Variants in SIKE1 observed in about 807,000 individuals in gnomAD.
The protein encoded by SIKE1 is suppressor of IKK epsilon.
SIKE1 carries 13 observed loss-of-function variants against 25.8 expected under a neutral mutation model. That is an observed-to-expected ratio of 0.50 (90% CI 0.33 to 0.80). SIKE1 has a LOEUF of 0.80. Ranked by LOEUF, SIKE1 falls within the 30% of genes least tolerant of loss-of-function variation. SIKE1 has a pLI of 0.02. For synonymous variants in SIKE1, 86 were observed against 95.5 expected (o/e 0.90, Z 0.58); for missense variants, 222 against 252.4 (o/e 0.88, Z 0.82).
chr1:114,775,096 A>G (rs988928553), intron 4 of SIKE1, among the ~76,000 whole-genome samples: 2 of 152,204 alleles, frequency 1.3e-5, no homozygotes, highest in Non-Finnish European at 2.9e-5. Context: ...TCGGGGATAA[A>G]TAGAAGGTCA....
intron 4 of SIKE1, among the ~76,000 whole-genome samples, chr1:114,775,503 CT>C (rs35490891): frequency 0.37 from 45,839 of 122,310 alleles, 7,702 homozygotes; most frequent in African/African-American, 0.62. Context: ...AAATGCTTTG[CT>C]TTTTTTTTTT....
intron 3 of SIKE1, among the ~76,000 whole-genome samples, chr1:114,778,088 T>C (rs1054125417): frequency 1.3e-5 from 2 of 152,216 alleles, no homozygotes; most frequent in Non-Finnish European, 1.5e-5. Context: ...ATTTAAAATA[T>C]CTGTTTCCTA....
chr1:114,772,733 T>G lies in SIKE1; in HGVS notation c.*1538A>C, dbSNP rs773724687. On this transcript the variant is annotated 3_prime_UTR_variant, in exon 5 of 5. Coordinates refer to ENST00000060969, the MANE Select transcript of SIKE1 (RefSeq NM_025073.3). ...GATGGCTGGGCTAATAGTTACTTAC[T>G]TACTCTTGGGAAATGAAATAAAAAA... 2 of 152,200 alleles carry G rather than the reference T, an allele frequency of 1.3e-5. No individual in the cohort carries two copies. The highest frequency in any genetic ancestry group is 2.9e-5 in the Non-Finnish European group (2 of 68,028). 9.4% of individuals were successfully genotyped at this position (152,200 alleles called of 1,614,324 possible).
Position 114,776,247 on chromosome 1 carries a change from G to A in SIKE1, c.522+99C>T, listed in dbSNP as rs1662234974. On this transcript the variant is annotated intron_variant, in intron 4 of 4. Transcript: ENST00000060969. Reference sequence around the variant, plus strand: ...TTTAATTTTAAATCATGAGCACACAGAAAACATCAATATATTACAGTGATG... The same window carrying A: ...TTTAATTTTAAATCATGAGCACACAAAAAACATCAATATATTACAGTGATG... 3 of 756,142 alleles carry A rather than the reference G, an allele frequency of 4.0e-6. No homozygotes were observed. In the South Asian group the frequency reaches 4.7e-5, roughly 12 times the overall value. The allele number at this position is 756,142 out of a possible 1,614,324, so 46.8% of individuals were successfully genotyped here. A position where few individuals can be genotyped will look rare whatever the true frequency, so the allele number is the denominator to read the frequency against.
rs1421065443 is a variant in SIKE1, at chr1:114,773,745, T to C, written c.*526A>G. The C allele has an allele frequency of 6.6e-6, 1 of 152,604 alleles. No homozygotes were observed. The highest frequency in any genetic ancestry group is 6.5e-5 in the Admixed American group (1 of 15,270). 9.5% of individuals were successfully genotyped at this position (152,604 alleles called of 1,614,324 possible). On this transcript the variant is annotated 3_prime_UTR_variant, in exon 5 of 5. Transcript: ENST00000060969. The stretch of plus-strand genomic sequence containing the variant: ...CACCAGGCTATAAAGTGCCAATTCT[T>C]AGCACCAGAGAGACTTAAAATGTCA...
chr1:114,780,422 G>A, intron 1 of SIKE1, 27 bp downstream of exon 1: 2 of 1,609,910 alleles, frequency 1.2e-6, no homozygotes, highest in Middle Eastern at 2.0e-4. Flanking sequence ...GAATCCGAGA[G>A]CACTGGACTC....
rs780894922 is a variant in SIKE1, at chr1:114,771,040, C to T, written c.*3231G>A. 2 of 152,200 alleles carry T rather than the reference C, an allele frequency of 1.3e-5. No individual in the cohort carries two copies. Among genetic ancestry groups the T allele is most frequent in the Non-Finnish European group, 2.9e-5 (2 of 68,042 alleles). The allele number at this position is 152,200 out of a possible 1,614,324, so 9.4% of individuals were successfully genotyped here. ...ATATATAGCTGGCACAGGCCATTTC[C>T]ATTTTTTCTTCCTTGCCTTCAACAT... On this transcript the variant is annotated 3_prime_UTR_variant, in exon 5 of 5. Transcript: ENST00000060969.
rs1272383120 is a variant in SIKE1 at position 114,773,350 on chromosome 1, A to C, written c.*921T>G. The C allele has an allele frequency of 6.6e-6, 1 of 152,130 alleles. No individual in the cohort carries two copies. Among genetic ancestry groups the C allele is most frequent in the African/African-American group, 2.4e-5 (1 of 41,470 alleles). The allele number at this position is 152,130 out of a possible 1,614,324, so 9.4% of individuals were successfully genotyped here. A position where few individuals can be genotyped will look rare whatever the true frequency, so the allele number is the denominator to read the frequency against. On this transcript the variant is annotated 3_prime_UTR_variant, in exon 5 of 5. Coordinates refer to ENST00000060969, the MANE Select transcript of SIKE1 (RefSeq NM_025073.3). ...TAAACAAAAAAAAAGAAAGCCAACT[A>C]TTAGTGCTAGGAATGAAAGACATCC...
intron 3 of SIKE1, among the ~76,000 whole-genome samples, chr1:114,777,132 A>C (rs559506449): frequency 6.6e-6 from 1 of 152,300 alleles, no homozygotes; most frequent in South Asian, 2.1e-4. Context: ...GGATAGCATT[A>C]GGAGGAATAC....
Position 114,780,151 on chromosome 1 carries a change from TG to T in SIKE1, c.223del (p.Gln75LysfsTer31). 6.2e-7 allele frequency: 1 copy of T among 1,614,032 alleles called. No individual in the cohort carries two copies. The highest frequency in any genetic ancestry group is 8.5e-7 in the Non-Finnish European group (1 of 1,179,962). ...CAAGTCTCTAATCTGTGTGTTCTCT[TG>T]GGACAGCAGAATGTGAGGTTTGTAT... ...SKYKPHILLS[Q>X]ENTQIRDLQQ... On this transcript the variant is annotated frameshift_variant, in exon 2 of 5. Transcript: ENST00000060969. LOFTEE classifies it high-confidence loss of function.
intron 3 of SIKE1, among the ~76,000 whole-genome samples, chr1:114,776,967 T>C (rs534157847): frequency 6.6e-5 from 10 of 152,296 alleles, no homozygotes; most frequent in Non-Finnish European, 1.5e-4. Flanking sequence ...TGGATGAAGC[T>C]GGAAACCATC....
At position 114,780,635 on chromosome 1, in the gene SIKE1, G is replaced by C. The variant is rs375038761; in HGVS notation, c.-28C>G. On this transcript the variant is annotated 5_prime_UTR_variant, in exon 1 of 5. Transcript: ENST00000060969. ...CAGCAGCACCACCCCAGCCCCTGCC[G>C]GGCTCAGCTACGCGACTCGCTCAGA... 57 of 1,569,166 alleles carry C rather than the reference G, an allele frequency of 3.6e-5. No individual in the cohort carries two copies. The highest frequency in any genetic ancestry group is 4.8e-5 in the Non-Finnish European group (55 of 1,153,110).
chr1:114,780,175 T>C lies in SIKE1; in HGVS notation c.200A>G (p.Tyr67Cys). 1 of 1,614,010 alleles carries C rather than the reference T, an allele frequency of 6.2e-7. No individual in the cohort carries two copies. Among genetic ancestry groups the C allele is most frequent in the South Asian group, 1.1e-5 (1 of 91,074 alleles). Reference sequence around the variant, plus strand: ...TTGGGACAGCAGAATGTGAGGTTTGTATTTGGACATGTCCTTCATATCGGA... The same window carrying C: ...TTGGGACAGCAGAATGTGAGGTTTGCATTTGGACATGTCCTTCATATCGGA... The part of the protein sequence containing the change: ...DASDMKDMSK[Y>C]KPHILLSQEN... The change falls in exon 2 of 5, where the codon TAC (tyrosine) becomes TGC (cysteine). Residue 67 changes from tyrosine (Y) to cysteine (C), a missense_variant. Tyr to Cys is a radical substitution (Grantham distance 194, BLOSUM62 -2). Transcript: ENST00000060969.
chr1:114,774,450 G>A, intron 4 of SIKE1, 78 bp from the exon 5 acceptor site: 17 of 961,236 alleles, frequency 1.8e-5, no homozygotes, highest in South Asian at 3.7e-5. Context: ...TTTTGAGCCA[G>A]GAGCAGAAAA....
chr1:114,774,152 A>G lies in SIKE1; in HGVS notation c.*119T>C. On this transcript the variant is annotated 3_prime_UTR_variant, in exon 5 of 5. Transcript: ENST00000060969. ...GACTGGAATTCTAAATTGCCACCTG[A>G]TACCTTTAATTAAGATTAAATCAAA... 2.8e-6 allele frequency: 2 copies of G among 710,352 alleles called. No homozygotes were observed. Among genetic ancestry groups the G allele is most frequent in the Non-Finnish European group, 4.6e-6 (2 of 437,794 alleles). 44.0% of individuals were successfully genotyped at this position (710,352 alleles called of 1,614,324 possible).
intron 3 of SIKE1, among the ~76,000 whole-genome samples, chr1:114,778,341 CCTAACA>C (rs1430571601): frequency 3.3e-5 from 5 of 152,054 alleles, no homozygotes; most frequent in African/African-American, 1.2e-4. Context: ...ACTTCTCTCC[CCTAACA>C]ACATAGTATG....
rs530563296 is a variant in SIKE1, at chr1:114,772,304, T to A, written c.*1967A>T. 5.4e-4 allele frequency: 82 copies of A among 152,334 alleles called. No homozygotes were observed. The highest frequency in any genetic ancestry group is 1.9e-3 in the African/African-American group (81 of 41,578). The allele number at this position is 152,334 out of a possible 1,614,324, so 9.4% of individuals were successfully genotyped here. Reference sequence around the variant, plus strand: ...AGATTTTTGCAAACCAGGCAAGTTCTTCATCCACTCAAGGAGAAACTTTAA... The same window carrying A: ...AGATTTTTGCAAACCAGGCAAGTTCATCATCCACTCAAGGAGAAACTTTAA... On this transcript the variant is annotated 3_prime_UTR_variant, in exon 5 of 5. Coordinates refer to ENST00000060969, the MANE Select transcript of SIKE1 (RefSeq NM_025073.3).
rs1662088755 is a variant in SIKE1 at position 114,772,214 on chromosome 1, T to C, written c.*2057A>G. ...CTCTGCACTTCCTCATTTGACTTAC[T>C]ACTGAGTAAAATTAGCTTATCTTCT... On this transcript the variant is annotated 3_prime_UTR_variant, in exon 5 of 5. Coordinates refer to ENST00000060969, the MANE Select transcript of SIKE1 (RefSeq NM_025073.3). 1 of 152,208 alleles carries C rather than the reference T, an allele frequency of 6.6e-6. No homozygotes were observed. Among genetic ancestry groups the C allele is most frequent in the Non-Finnish European group, 1.5e-5 (1 of 68,034 alleles). 9.4% of individuals were successfully genotyped at this position (152,208 alleles called of 1,614,324 possible).
At chr1:114,778,958 G>A (rs548300354) in intron 3 of SIKE1, 184 bp downstream of exon 3, 1 of 635,566 alleles carries the variant, frequency 1.6e-6, no homozygotes, top group Admixed American at 2.9e-5. Flanking sequence ...TCCGGAGGCA[G>A]AGGTGAGACG....
Sources: allele counts gnomAD v4.1 joint callset (sites outside exome capture counted in the v4.1 genomes callset), GRCh38; gene constraint gnomAD v4.1.1; transcripts MANE v1.5; gene names NCBI Gene and HGNC (gene_info 2026-07-23, HGNC 2026-07-21).